The following SWT1 variants were observed in gnomAD, a reference collection of about 807,000 sequenced individuals.
SWT1 encodes SWT1 RNA endoribonuclease homolog.
A neutral mutation model predicts 107.3 loss-of-function variants in SWT1; 33 were observed. The observed-to-expected ratio is 0.31, with a 90% CI of 0.23 to 0.41. The LOEUF (loss-of-function observed/expected upper bound fraction) is 0.41, where lower values mean the gene tolerates loss of function less well. Among genes scored for constraint, SWT1 ranks in the 10% least tolerant of loss-of-function variants. SWT1 has a pLI of 1.00. For missense variants in SWT1, 898 were observed against 1,028.9 expected (o/e 0.87, Z 1.74); for synonymous variants, 345 against 348.3 (o/e 0.99, Z 0.11).
In SWT1 at chr1:185,184,275, G is replaced by A; in HGVS notation, c.1171G>A (p.Val391Ile). The change falls in exon 8 of 19, where the codon GTT (valine) becomes ATT (isoleucine). Residue 391 changes from valine (V) to isoleucine (I), a missense_variant. Val to Ile is a conservative substitution (Grantham distance 29). This residue lies in a region of SWT1 where 94 missense variants were observed against 114.5 expected (regional missense o/e 0.82). Coordinates refer to ENST00000367500, the MANE Select transcript of SWT1 (RefSeq NM_017673.7). ...NNTSDRKLLI[V>I]IDTNILMNHL... is the part of the protein sequence containing the mutation. ...TACTTCAGACAGAAAGCTTCTAATT[G>A]TTATTGACACAAATATTCTGATGAA... is the stretch of plus-strand genomic sequence containing the variant. 6.4e-7 allele frequency: 1 copy of A among 1,569,010 alleles called. No individual in the cohort carries two copies. The highest frequency in any genetic ancestry group is 8.7e-7 in the Non-Finnish European group (1 of 1,153,186).
intron 16 of SWT1, among the ~76,000 whole-genome samples, chr1:185,244,830 C>T (rs1275012847): frequency 7.2e-5 from 11 of 152,134 alleles, no homozygotes; most frequent in Non-Finnish European, 1.0e-4. Context: ...CCTGTAATCC[C>T]GGCACTTTGG....
rs1474022152 is a variant in SWT1 at position 185,174,919 on chromosome 1, A to G, written c.772A>G (p.Asn258Asp). The G allele has an allele frequency of 2.5e-6, 4 of 1,613,906 alleles. No individual in the cohort carries two copies. Among genetic ancestry groups the G allele is most frequent in the African/African-American group, 2.7e-5 (2 of 74,926 alleles). Residue 258 changes from asparagine to aspartate, a missense_variant, in exon 5 of 19, where the codon AAT becomes GAT. By Grantham distance (23) the Asn-to-Asp change is conservative. Around this residue, in one of 6 missense-constraint regions of SWT1, gnomAD observed 382 missense variants for 362.4 expected, o/e 1.05. Coordinates refer to ENST00000367500, the MANE Select transcript of SWT1 (RefSeq NM_017673.7). ...VEENVFNIDS[N>D]NSKTKQEERE... ...AGAAAATGTCTTCAACATAGATTCT[A>G]ATAATTCGAAGACTAAGCAGGAAGA...
At chr1:185,257,016 T>G (rs866051395) in intron 16 of SWT1, among the ~76,000 whole-genome samples, 1,867 of 151,850 alleles carry the variant, frequency 0.012, 19 homozygotes, top group South Asian at 0.032. Context: ...ACCCTCAGCT[T>G]CAGGTGTGTT....
At chr1:185,176,538 T>C (rs188341031) in intron 5 of SWT1, 6 of 971,454 alleles carry the variant, frequency 6.2e-6, no homozygotes, top group African/African-American at 1.8e-5. Context: ...ACCTAATCTC[T>C]ATAATTTTGT....
At chr1:185,209,947 C>G (rs938410075) in intron 13 of SWT1, among the ~76,000 whole-genome samples, 6 of 152,046 alleles carry the variant, frequency 3.9e-5, no homozygotes, top group East Asian at 1.9e-4. Flanking sequence ...TCTCATTGTG[C>G]TTTTGATTTG....
intron 16 of SWT1, among the ~76,000 whole-genome samples, chr1:185,235,522 C>G (rs1370225456): frequency 6.6e-6 from 1 of 152,154 alleles, no homozygotes; most frequent in East Asian, 1.9e-4. Flanking sequence ...GCCCTTCATG[C>G]TAAAAACTCT....
At chr1:185,189,856 T>TC (rs1402949163) in intron 9 of SWT1, among the ~76,000 whole-genome samples, 1 of 147,718 alleles carries the variant, frequency 6.8e-6, no homozygotes, top group Non-Finnish European at 1.5e-5. Flanking sequence ...CATATATACT[T>TC]TTTTTTTTTT....
chr1:185,219,177 A>G (rs911300192), intron 14 of SWT1, among the ~76,000 whole-genome samples: 1 of 152,210 alleles, frequency 6.6e-6, no homozygotes. Context: ...CAGAAGATAA[A>G]GAAGGGTAAC....
intron 14 of SWT1, among the ~76,000 whole-genome samples, chr1:185,221,050 GAC>G (rs59643566): frequency 0.4 from 59,239 of 149,628 alleles, 12,628 homozygotes; most frequent in Middle Eastern, 0.5. Flanking sequence ...CGTGCACACA[GAC>G]ACACACACAC....
intron 5 of SWT1, chr1:185,176,998 A>G (rs1655625461): frequency 1.0e-6 from 1 of 979,752 alleles, no homozygotes; most frequent in African/African-American, 1.8e-5. Flanking sequence ...AAAAAAAAAA[A>G]AAAGACTATG....
chr1:185,163,473 A>G (rs1571385274), intron 2 of SWT1, among the ~76,000 whole-genome samples: 1 of 149,530 alleles, frequency 6.7e-6, no homozygotes, highest in East Asian at 2.0e-4. Context: ...GGCCCACTGC[A>G]ACCTCTGCCT....
intron 16 of SWT1, among the ~76,000 whole-genome samples, chr1:185,245,522 T>C (rs1008191648): frequency 1.3e-5 from 2 of 152,138 alleles, no homozygotes; most frequent in African/African-American, 4.8e-5. Context: ...AAAAGTATAG[T>C]AGAGTAAATA....
intron 4 of SWT1, among the ~76,000 whole-genome samples, chr1:185,171,887 G>T (rs937304266): frequency 6.6e-6 from 1 of 152,042 alleles, no homozygotes; most frequent in African/African-American, 2.4e-5. Flanking sequence ...CTTCAGCCTG[G>T]GTGATAGATT....
At chr1:185,252,459 T>C (rs1662113265) in intron 16 of SWT1, among the ~76,000 whole-genome samples, 5 of 152,242 alleles carry the variant, frequency 3.3e-5, no homozygotes. Context: ...TCCTGACCTT[T>C]TAATGATTGC....
At position 185,291,567 on chromosome 1, in the gene SWT1, A is replaced by G. The variant is rs1461733655; in HGVS notation, c.*764A>G. The G allele has an allele frequency of 6.6e-6, 1 of 152,648 alleles. No homozygotes were observed. Among genetic ancestry groups the G allele is most frequent in the African/African-American group, 2.4e-5 (1 of 41,460 alleles). 9.5% of individuals were successfully genotyped at this position (152,648 alleles called of 1,614,324 possible). A position where few individuals can be genotyped will look rare whatever the true frequency, so the allele number is the denominator to read the frequency against. On this transcript the variant is annotated 3_prime_UTR_variant, in exon 19 of 19. Transcript: ENST00000367500. Reference sequence around the variant, plus strand: ...TAGTTGACTTTTTAGTTATAGGATAAGTTGGAAGTCCTTGTTTACTGGAAT... The same window carrying G: ...TAGTTGACTTTTTAGTTATAGGATAGGTTGGAAGTCCTTGTTTACTGGAAT...
At chr1:185,221,285 CTT>C (rs1659640324) in intron 14 of SWT1, among the ~76,000 whole-genome samples, 1 of 152,212 alleles carries the variant, frequency 6.6e-6, no homozygotes, top group Non-Finnish European at 1.5e-5. Context: ...GGACTCTCCT[CTT>C]GGATTATTTC....
chr1:185,262,954 T>C (rs1663131173), intron 16 of SWT1, among the ~76,000 whole-genome samples: 1 of 151,848 alleles, frequency 6.6e-6, no homozygotes, highest in Non-Finnish European at 1.5e-5. Flanking sequence ...TCCTGGGTGA[T>C]TTTTGTATTT....
chr1:185,277,899 A>G (rs940494875), intron 18 of SWT1, among the ~76,000 whole-genome samples: 4 of 152,072 alleles, frequency 2.6e-5, no homozygotes, highest in African/African-American at 7.2e-5. Flanking sequence ...GTATCACACT[A>G]TATACTTTTT....
At chr1:185,232,053 A>G (rs928610259) in intron 16 of SWT1, among the ~76,000 whole-genome samples, 2 of 152,326 alleles carry the variant, frequency 1.3e-5, no homozygotes, top group East Asian at 1.9e-4. Context: ...TTTCTCTTGA[A>G]TGGTTTTTGC....
Sources: gnomAD v4.1 joint callset for allele counts (sites outside exome capture counted in the v4.1 genomes callset) on GRCh38, gnomAD v4.1.1 for gene constraint, gnomAD v4.1.1 regional missense constraint, MANE v1.5 for transcripts, NCBI Gene and HGNC (gene_info 2026-07-23, HGNC 2026-07-21) for gene names.